The following IRS1 variants were observed in gnomAD, a reference collection of about 807,000 sequenced individuals.
IRS1 encodes the protein insulin receptor substrate 1.
A neutral mutation model predicts 65.6 loss-of-function variants in IRS1; 34 were observed. The ratio of observed to expected loss-of-function variants is 0.52; its 90% CI spans 0.39 to 0.69. The LOEUF (loss-of-function observed/expected upper bound fraction) is 0.69. IRS1 is among the 30% of genes least tolerant of loss of function. The pLI is 0.00. For missense variants in IRS1, 1,641 were observed against 1,720.2 expected (o/e 0.95, Z 0.81); for synonymous variants, 699 against 683.5 (o/e 1.02, Z -0.35).
chr2:226,737,929 C>T (rs1938361608), intron 1 of IRS1, among the ~76,000 whole-genome samples: 1 of 152,140 alleles, frequency 6.6e-6, no homozygotes, highest in Non-Finnish European at 1.5e-5. Flanking sequence ...CCATTGAGAA[C>T]ATATGACAAG....
At chr2:226,791,315 G>C (rs944791926) in intron 1 of IRS1, among the ~76,000 whole-genome samples, 1 of 152,142 alleles carries the variant, frequency 6.6e-6, no homozygotes, top group East Asian at 1.9e-4. Context: ...CCTGCTCGCG[G>C]ATCTCGAGAC....
rs1166934768 is a variant in IRS1 at position 226,795,266 on chromosome 2, C to T, written c.3473G>A (p.Gly1158Glu). ...NVWLRPGELG[G>E]APKEPAKLCG... Reference sequence around the variant, plus strand: ...CAGTTTGGCTGGCTCCTTGGGGGCTCCCCCAAGCTCCCCAGGCCTCAGCCA... The same window carrying T: ...CAGTTTGGCTGGCTCCTTGGGGGCTTCCCCAAGCTCCCCAGGCCTCAGCCA... Residue 1158 changes from glycine (G) to glutamate (E), a missense_variant, in exon 1 of 2, where the codon GGA becomes GAA. Physicochemically the swap from Gly to Glu is moderately conservative, Grantham distance 98. Coordinates refer to ENST00000305123, the MANE Select transcript of IRS1 (RefSeq NM_005544.3). 1 of 1,613,908 alleles carries T rather than the reference C, an allele frequency of 6.2e-7. No individual in the cohort carries two copies. Among genetic ancestry groups the T allele is most frequent in the East Asian group, 2.2e-5 (1 of 44,874 alleles).
At chr2:226,792,171 A>G (rs935896013) in intron 1 of IRS1, 2 of 152,138 alleles carry the variant, frequency 1.3e-5, no homozygotes, top group Admixed American at 6.5e-5. Flanking sequence ...GGGGGAGGGC[A>G]TAACAAAGAA....
At chr2:226,787,102 C>T (rs1018756435) in intron 1 of IRS1, among the ~76,000 whole-genome samples, 2 of 152,148 alleles carry the variant, frequency 1.3e-5, no homozygotes, top group Non-Finnish European at 2.9e-5. Context: ...CACCCCATAA[C>T]AAGTCCACAT....
In IRS1 at chr2:226,796,501, G is replaced by A. The variant is rs1490041516; in HGVS notation, c.2238C>T (p.Pro746=). The A allele has an allele frequency of 6.2e-7, 1 of 1,613,954 alleles. No individual in the cohort carries two copies. Among genetic ancestry groups the A allele is most frequent in the Non-Finnish European group, 8.5e-7 (1 of 1,180,024 alleles). The change falls in exon 1 of 2, where the codon CCC becomes CCT. Residue 746 remains proline (P), a synonymous_variant. Coordinates refer to ENST00000305123, the MANE Select transcript of IRS1 (RefSeq NM_005544.3). ...SPVGDSNTSS[P]SDCYYGPEDP... The stretch of plus-strand genomic sequence containing the variant: ...CCTCAGGGCCGTAGTAGCAGTCGGA[G>A]GGGCTGCTGGTGTTGGAGTCCCCCA...
intron 1 of IRS1, among the ~76,000 whole-genome samples, chr2:226,760,977 A>C (rs1201276189): frequency 6.6e-6 from 1 of 152,022 alleles, no homozygotes; most frequent in Non-Finnish European, 1.5e-5. Flanking sequence ...ATGATTGTGA[A>C]ACCTAACCCT....
chr2:226,765,309 G>A (rs1939010955), intron 1 of IRS1, among the ~76,000 whole-genome samples: 1 of 152,224 alleles, frequency 6.6e-6, no homozygotes, highest in African/African-American at 2.4e-5. Flanking sequence ...CAGTTGAGCT[G>A]AAATGGAAAT....
At chr2:226,740,541 G>T (rs1249988844) in intron 1 of IRS1, among the ~76,000 whole-genome samples, 1 of 152,096 alleles carries the variant, frequency 6.6e-6, no homozygotes, top group Non-Finnish European at 1.5e-5. Flanking sequence ...GTTTTTACTG[G>T]GAAAGCAGCT....
At chr2:226,754,643 G>A (rs1938759424) in intron 1 of IRS1, among the ~76,000 whole-genome samples, 1 of 152,150 alleles carries the variant, frequency 6.6e-6, no homozygotes, top group Admixed American at 6.5e-5. Flanking sequence ...TGGAAGTACT[G>A]TCAAATCTTT....
chr2:226,763,550 G>T (rs1938964145), intron 1 of IRS1, among the ~76,000 whole-genome samples: 1 of 152,166 alleles, frequency 6.6e-6, no homozygotes, highest in South Asian at 2.1e-4. Context: ...GATGCCATCT[G>T]CTTTCCAAAA....
At chr2:226,776,945 G>A (rs973390431) in intron 1 of IRS1, among the ~76,000 whole-genome samples, 1 of 152,042 alleles carries the variant, frequency 6.6e-6, no homozygotes, top group Admixed American at 6.6e-5. Flanking sequence ...CTAATCATGA[G>A]AAAAACATCA....
Position 226,795,829 on chromosome 2 carries a change from G to A in IRS1, c.2910C>T (p.Pro970=), listed in dbSNP as rs757920964. The A allele has an allele frequency of 5.0e-5, 80 of 1,613,002 alleles. No homozygotes were observed. Among genetic ancestry groups the A allele is most frequent in the East Asian group, 8.9e-5 (4 of 44,884 alleles). Residue 970 remains proline (P), a synonymous_variant, in exon 1 of 2, where the codon CCC becomes CCT. Coordinates refer to ENST00000305123, the MANE Select transcript of IRS1 (RefSeq NM_005544.3). Reference sequence around the variant, plus strand: ...TAGGCCTGCAAATGCTAGCAGCCCCGGGAGGTGCAGGGCCCAGTCTGCCCA... The same window carrying A: ...TAGGCCTGCAAATGCTAGCAGCCCCAGGAGGTGCAGGGCCCAGTCTGCCCA... The part of the protein sequence containing the change: ...VEMGRLGPAP[P]GAASICRPTR...
chr2:226,762,357 CAAA>C (rs67318812), intron 1 of IRS1, among the ~76,000 whole-genome samples: 31 of 119,784 alleles, frequency 2.6e-4, no homozygotes, highest in Non-Finnish European at 2.7e-4. Flanking sequence ...CATAAAAATG[CAAA>C]AAAAAAAAAA....
chr2:226,749,739 T>C (rs967893185), intron 1 of IRS1, among the ~76,000 whole-genome samples: 3 of 152,002 alleles, frequency 2.0e-5, no homozygotes, highest in African/African-American at 4.8e-5. Flanking sequence ...TCTATGAAAG[T>C]GGGAAGGAAG....
chr2:226,793,167 A>G (rs1216791326), intron 1 of IRS1, among the ~76,000 whole-genome samples: 4 of 152,288 alleles, frequency 2.6e-5, no homozygotes, highest in Non-Finnish European at 4.4e-5. Flanking sequence ...TTGGTCATCA[A>G]TTCTCTTCAG....
At chr2:226,775,878 T>C (rs1200548034) in intron 1 of IRS1, among the ~76,000 whole-genome samples, 1 of 152,186 alleles carries the variant, frequency 6.6e-6, no homozygotes, top group Non-Finnish European at 1.5e-5. Flanking sequence ...CCGTATTGTT[T>C]AGGGAATAAT....
At chr2:226,793,353 A>G (rs550126134) in intron 1 of IRS1, among the ~76,000 whole-genome samples, 1 of 152,324 alleles carries the variant, frequency 6.6e-6, no homozygotes, top group South Asian at 2.1e-4. Flanking sequence ...AAATGCTTAA[A>G]GTGTTGAGGG....
chr2:226,743,188 CTTCAT>C (rs905329358), intron 1 of IRS1, among the ~76,000 whole-genome samples: 16 of 151,726 alleles, frequency 1.1e-4, no homozygotes, highest in African/African-American at 3.9e-4. Context: ...AAAAGTCCCT[CTTCAT>C]TTCAAGTCAG....
In IRS1 at chr2:226,797,174, C is replaced by A. The variant is rs373368677; in HGVS notation, c.1565G>T (p.Arg522Leu). ...TGTGCCTGCCGAGTGAGTTCTCTTT[C>A]GGAACCGATTATCCAGATCTGCAGC... ...ASAADLDNRFRKRTHSAGTSP... is the reference protein window; with the variant it reads ...ASAADLDNRFLKRTHSAGTSP... The change falls in exon 1 of 2, where the codon CGA becomes CTA. Residue 522 changes from arginine (R) to leucine (L), a missense_variant. This residue lies in a region of IRS1 where 1,324 missense variants were observed against 1,361.0 expected (regional missense o/e 0.97). Coordinates refer to ENST00000305123, the MANE Select transcript of IRS1 (RefSeq NM_005544.3). This position sits in a 1 kb window ranked among gnomAD's most constrained non-coding sequence, Gnocchi z 8.1. The A allele has an allele frequency of 6.2e-7, 1 of 1,613,860 alleles. No homozygotes were observed. Among genetic ancestry groups the A allele is most frequent in the Non-Finnish European group, 8.5e-7 (1 of 1,180,028 alleles).
Sources: gnomAD v4.1 joint callset for allele counts (sites outside exome capture counted in the v4.1 genomes callset) on GRCh38, gnomAD v4.1.1 for gene constraint, gnomAD v4.1.1 regional missense constraint, Gnocchi (gnomAD v3.1) non-coding constraint, MANE v1.5 for transcripts, NCBI Gene and HGNC (gene_info 2026-07-23, HGNC 2026-07-21) for gene names.